The following FMNL3 variants were observed in gnomAD, a reference collection of about 807,000 sequenced individuals.
FMNL3 encodes the protein formin-like protein 3.
In FMNL3, 57 loss-of-function variants were observed where a neutral mutation model predicts 119.6. That is an observed-to-expected ratio of 0.48 (90% CI 0.39 to 0.59). FMNL3 has a LOEUF of 0.59. Among genes scored for constraint, FMNL3 ranks in the 20% least tolerant of loss-of-function variants. The pLI, the probability that FMNL3 is intolerant of heterozygous loss-of-function variation, is 0.00. For missense variants in FMNL3, 1,053 were observed against 1,323.5 expected (o/e 0.80, Z 3.17); for synonymous variants, 491 against 507.3 (o/e 0.97, Z 0.43).
At position 49,637,663 on chromosome 12, in the gene FMNL3, T is replaced by TGTCCTCG; in HGVS notation, c.*8145_*8151dup. On this transcript the variant is annotated 3_prime_UTR_variant, in exon 26 of 26. Transcript: ENST00000335154. Reference sequence around the variant, plus strand: ...CTCTGCACCCCCTACTACCGGCTCCTGTCCTCGGCCCAGCCCCCAGGCCTT... The same window carrying TGTCCTCG: ...CTCTGCACCCCCTACTACCGGCTCCTGTCCTCGGTCCTCGGCCCAGCCCCCAGGCCTT... The TGTCCTCG allele has an allele frequency of 6.4e-7, 1 of 1,553,484 alleles. No homozygotes were observed. Among genetic ancestry groups the TGTCCTCG allele is most frequent in the South Asian group, 1.1e-5 (1 of 89,042 alleles).
chr12:49,648,187 G>A lies in FMNL3; in HGVS notation c.2676+6C>T, dbSNP rs1007155714. ...GTTGCTCCCACCGCCTGCACCCCGT[G>A]CTTGCCTCAGCCGTCTTGGCGTCCC... On this transcript the variant is annotated splice_donor_region_variant and intron_variant, in intron 22 of 25. Transcript: ENST00000335154. 1.8e-5 allele frequency: 29 copies of A among 1,611,738 alleles called. No homozygotes were observed. The highest frequency in any genetic ancestry group is 2.2e-5 in the Non-Finnish European group (26 of 1,178,794).
intron 1 of FMNL3, among the ~76,000 whole-genome samples, chr12:49,696,808 A>G (rs1944762464): frequency 6.6e-6 from 1 of 152,140 alleles, no homozygotes. Context: ...TTTTGTTGGA[A>G]CCACTAACAG....
intron 2 of FMNL3, among the ~76,000 whole-genome samples, chr12:49,667,866 C>T (rs901531502): frequency 3.3e-5 from 5 of 152,348 alleles, no homozygotes; most frequent in African/African-American, 1.2e-4. Context: ...GCCCTGCATA[C>T]AGTCCTGTCT....
At position 49,649,727 on chromosome 12, in the gene FMNL3, C is replaced by T. The variant is rs1252307748; in HGVS notation, c.2199G>A (p.Leu733=). 6.2e-7 allele frequency: 1 copy of T among 1,614,176 alleles called. No homozygotes were observed. Residue 733 remains leucine (L), a synonymous_variant, in exon 18 of 26, where the codon CTG becomes CTA. Transcript: ENST00000335154. The surrounding 1 kb of genome is among the most constrained non-coding windows in gnomAD (Gnocchi z 5.6). The stretch of plus-strand genomic sequence containing the variant: ...TCTGCAGGTTATCCTGGAAGTTCCC[C>T]AGGAAGGCCATGCCAGCCATTCGCT... ...LTQRMAGMAF[L]GNFQDNLQML...
rs374115053 is a variant in FMNL3 at position 49,649,878 on chromosome 12, C to T, written c.2048G>A (p.Arg683His). 2.2e-5 allele frequency: 35 copies of T among 1,613,938 alleles called. No homozygotes were observed. The highest frequency in any genetic ancestry group is 4.4e-5 in the South Asian group (4 of 91,088). ...TACCTCAGCCTCTGTGGGCAGGAAG[C>T]GCATCAGGCACTCCACGAAGTCCAC... is the stretch of plus-strand genomic sequence containing the variant. ...LPVDFVECLM[R>H]FLPTEAEVKL... The change falls in exon 18 of 26, where the codon CGC becomes CAC. Residue 683 changes from arginine to histidine, a missense_variant. This residue lies in a region of FMNL3 where 445 missense variants were observed against 628.4 expected (regional missense o/e 0.71). Coordinates refer to ENST00000335154, the MANE Select transcript of FMNL3 (RefSeq NM_175736.5). The surrounding 1 kb of genome is among the most constrained non-coding windows in gnomAD (Gnocchi z 5.6).
chr12:49,681,946 T>C (rs1326460250), intron 1 of FMNL3, among the ~76,000 whole-genome samples: 2 of 151,996 alleles, frequency 1.3e-5, no homozygotes, highest in Non-Finnish European at 2.9e-5. Flanking sequence ...ATAAAAGGGA[T>C]TTTGCACAGT....
Position 49,642,956 on chromosome 12 carries a change from AG to A in FMNL3, c.*2858del. On this transcript the variant is annotated 3_prime_UTR_variant, in exon 26 of 26. Transcript: ENST00000335154. This position sits in a 1 kb window ranked among gnomAD's most constrained non-coding sequence, Gnocchi z 5.8. ...CTGAATGCCAGCACCTCCACACCAAAGGCCGAAAGCATGGCAGGAAAGGCAA... is the reference window on the plus strand; with the variant it reads ...CTGAATGCCAGCACCTCCACACCAAAGCCGAAAGCATGGCAGGAAAGGCAA... The A allele has an allele frequency of 6.2e-7, 1 of 1,613,746 alleles. No homozygotes were observed. The highest frequency in any genetic ancestry group is 8.5e-7 in the Non-Finnish European group (1 of 1,179,810).
rs923607659 is a variant in FMNL3 at position 49,647,613 on chromosome 12, T to C, written c.2778+90A>G. The C allele has an allele frequency of 8.4e-7, 1 of 1,186,956 alleles. No homozygotes were observed. Among genetic ancestry groups the C allele is most frequent in the Non-Finnish European group, 1.2e-6 (1 of 811,456 alleles). 73.5% of individuals were successfully genotyped at this position (1,186,956 alleles called of 1,614,324 possible). Reference sequence around the variant, plus strand: ...CCCTTCCCAGGACTCGGAGGAGGAGTCGGAAAAGGCCCATACTTTAAGCCC... The same window carrying C: ...CCCTTCCCAGGACTCGGAGGAGGAGCCGGAAAAGGCCCATACTTTAAGCCC... On this transcript the variant is annotated intron_variant, in intron 23 of 25. Coordinates refer to ENST00000335154, the MANE Select transcript of FMNL3 (RefSeq NM_175736.5). The surrounding 1 kb of genome is among the most constrained non-coding windows in gnomAD (Gnocchi z 4.9).
At chr12:49,651,509 C>T (rs1943400395) in intron 14 of FMNL3, 59 bp from the exon 15 acceptor site, 1 of 1,311,382 alleles carries the variant, frequency 7.6e-7, no homozygotes, top group African/African-American at 1.5e-5. Flanking sequence ...CATAGGCTTC[C>T]CTCCCCTCTG....
At chr12:49,680,432 C>T (rs1944306888) in intron 1 of FMNL3, among the ~76,000 whole-genome samples, 2 of 152,198 alleles carry the variant, frequency 1.3e-5, no homozygotes, top group African/African-American at 4.8e-5. Flanking sequence ...ATCCTCAGCG[C>T]CTCAGTGCTT....
intron 3 of FMNL3, 73 bp from the exon 4 acceptor site, chr12:49,665,981 A>G (rs1943880133): frequency 6.4e-7 from 1 of 1,565,402 alleles, no homozygotes; most frequent in Admixed American, 1.7e-5. Flanking sequence ...CTGGCCAGCC[A>G]TTCCAGGCCC....
intron 1 of FMNL3, among the ~76,000 whole-genome samples, chr12:49,684,981 A>C (rs542512030): frequency 6.6e-5 from 10 of 152,340 alleles, no homozygotes; most frequent in Non-Finnish European, 1.5e-4. Context: ...TCCTGGTCAG[A>C]TATCTCTGGC....
In FMNL3 at chr12:49,651,249, A is replaced by G; in HGVS notation, c.1716T>C (p.Pro572=). 6.2e-7 allele frequency: 1 copy of G among 1,613,286 alleles called. No homozygotes were observed. Among genetic ancestry groups the G allele is most frequent in the Non-Finnish European group, 8.5e-7 (1 of 1,179,264 alleles). Residue 572 remains proline (P), a synonymous_variant, in exon 16 of 26, where the codon CCT becomes CCC. Coordinates refer to ENST00000335154, the MANE Select transcript of FMNL3 (RefSeq NM_175736.5). ...KKPIKTKFRL[P]VFNWTALKPN... ...GTTTCAGTGCTGTCCAGTTGAAGAC[A>G]GGCAGCCGGAACTTGGTCTTGATAG...
chr12:49,670,110 A>G (rs1164093111), intron 1 of FMNL3, among the ~76,000 whole-genome samples: 3 of 152,186 alleles, frequency 2.0e-5, no homozygotes, highest in Non-Finnish European at 4.4e-5. Flanking sequence ...ACTCCCTGGT[A>G]ACCCAAGCAT....
chr12:49,663,503 C>A (rs1471442599), intron 4 of FMNL3, among the ~76,000 whole-genome samples: 1 of 152,272 alleles, frequency 6.6e-6, no homozygotes, highest in Non-Finnish European at 1.5e-5. Context: ...ATCTGACAAA[C>A]TCTTCCTGCC....
In FMNL3 at chr12:49,644,200, A is replaced by C; in HGVS notation, c.*1615T>G. 1 of 1,613,966 alleles carries C rather than the reference A, an allele frequency of 6.2e-7. No homozygotes were observed. Among genetic ancestry groups the C allele is most frequent in the Admixed American group, 1.7e-5 (1 of 60,020 alleles). On this transcript the variant is annotated 3_prime_UTR_variant, in exon 26 of 26. Coordinates refer to ENST00000335154, the MANE Select transcript of FMNL3 (RefSeq NM_175736.5). ...CTGGATGATCACCAGTGACCCAATG[A>C]GCTGTTCTCTGCCTCGGGTCTGTGT... is the stretch of plus-strand genomic sequence containing the variant.
chr12:49,694,865 T>C (rs1944710429), intron 1 of FMNL3, among the ~76,000 whole-genome samples: 2 of 152,026 alleles, frequency 1.3e-5, no homozygotes, highest in African/African-American at 2.4e-5. Flanking sequence ...AGAGCCGAGA[T>C]TGCGCCACTG....
chr12:49,707,078 C>G lies in FMNL3; in HGVS notation c.103G>C (p.Glu35Gln), dbSNP rs1945069078. The change falls in exon 1 of 26, where the codon GAG becomes CAG. Residue 35 changes from glutamate to glutamine, a missense_variant. By Grantham distance (29) the Glu-to-Gln change is conservative (BLOSUM62 2). This residue lies in a region of FMNL3 where 264 missense variants were observed against 265.5 expected (regional missense o/e 0.99). Transcript: ENST00000335154. Reference protein sequence around the residue: ...KMPMPEPCELEERFALVLSSM... With the variant: ...KMPMPEPCELQERFALVLSSM... ...ACCAGCACCAGGGCGAACCTTTCCT[C>G]CAGCTCACAGGGCTCAGGCATCGGC... 1 of 1,592,460 alleles carries G rather than the reference C, an allele frequency of 6.3e-7. No homozygotes were observed. The highest frequency in any genetic ancestry group is 1.1e-5 in the South Asian group (1 of 87,634).
intron 1 of FMNL3, among the ~76,000 whole-genome samples, chr12:49,704,846 C>A (rs1945004983): frequency 6.6e-6 from 1 of 151,764 alleles, no homozygotes; most frequent in Non-Finnish European, 1.5e-5. Context: ...CTCCATTTTA[C>A]AGATGAGGAA....
Sources: gnomAD v4.1 joint callset for allele counts (sites outside exome capture counted in the v4.1 genomes callset) on GRCh38, gnomAD v4.1.1 for gene constraint, gnomAD v4.1.1 regional missense constraint, Gnocchi (gnomAD v3.1) non-coding constraint, MANE v1.5 for transcripts, NCBI Gene and HGNC (gene_info 2026-07-23, HGNC 2026-07-21) for gene names.